Variants in TM9SF3 observed in about 807,000 individuals in gnomAD.
The protein encoded by TM9SF3 is transmembrane 9 superfamily member 3, also known as SM-11044-binding protein.
Under a neutral mutation model 78.6 loss-of-function variants are expected in TM9SF3, and 14 were observed. The ratio of observed to expected loss-of-function variants is 0.18; its 90% CI spans 0.12 to 0.28. The LOEUF (loss-of-function observed/expected upper bound fraction) is 0.28. Ranked by LOEUF, TM9SF3 falls within the 10% of genes least tolerant of loss-of-function variation. The pLI, the probability that TM9SF3 is intolerant of heterozygous loss-of-function variation, is 1.00. For missense variants in TM9SF3, 496 were observed against 721.9 expected (o/e 0.69, Z 3.59); for synonymous variants, 231 against 241.7 (o/e 0.96, Z 0.41).
chr10:96,542,356 G>T (rs1009145669), intron 9 of TM9SF3, among the ~76,000 whole-genome samples: 2 of 152,158 alleles, frequency 1.3e-5, no homozygotes, highest in African/African-American at 2.4e-5. Context: ...AGTACCAACA[G>T]TTAGTCTTTT....
At chr10:96,531,977 G>T (rs373074355) in intron 10 of TM9SF3, among the ~76,000 whole-genome samples, 2 of 152,238 alleles carry the variant, frequency 1.3e-5, no homozygotes, top group Admixed American at 1.3e-4. Context: ...TTGGGAGACC[G>T]AGGTGGGCAG....
In TM9SF3 at chr10:96,520,206, T is replaced by C. The variant is rs1847747141; in HGVS notation, c.*2057A>G. The C allele has an allele frequency of 6.6e-6, 1 of 151,918 alleles. No individual in the cohort carries two copies. The highest frequency in any genetic ancestry group is 6.6e-5 in the Admixed American group (1 of 15,258). The allele number at this position is 151,918 out of a possible 1,614,324, so 9.4% of individuals were successfully genotyped here. A position where few individuals can be genotyped will look rare whatever the true frequency, so the allele number is the denominator to read the frequency against. ...TATATAGTTAAAAGGTTACATAATA[T>C]AGGCAACTAAATATTAACTTTTAGT... On this transcript the variant is annotated 3_prime_UTR_variant, in exon 15 of 15. Transcript: ENST00000371142.
At chr10:96,557,884 T>C (rs866038755) in intron 5 of TM9SF3, among the ~76,000 whole-genome samples, 2 of 152,238 alleles carry the variant, frequency 1.3e-5, no homozygotes, top group South Asian at 4.1e-4. Context: ...TTGACACACT[T>C]CTCTTTGAAT....
chr10:96,530,684 G>T lies in TM9SF3; in HGVS notation c.1326-76C>A. 3 of 1,307,572 alleles carry T rather than the reference G, an allele frequency of 2.3e-6. No individual in the cohort carries two copies. The African/African-American group carries it at 4.5e-5, about 20-fold the overall frequency. The allele number at this position is 1,307,572 out of a possible 1,614,324, so 81.0% of individuals were successfully genotyped here. On this transcript the variant is annotated intron_variant, in intron 10 of 14. Coordinates refer to ENST00000371142, the MANE Select transcript of TM9SF3 (RefSeq NM_020123.4). ...TATAAACACTGATAACAGAAAGCAG[G>T]TACTTGACACTTAAAAAATCATCTC...
intron 2 of TM9SF3, among the ~76,000 whole-genome samples, chr10:96,576,051 A>G (rs192325429): frequency 1.6e-3 from 243 of 152,368 alleles, no homozygotes; most frequent in African/African-American, 5.5e-3. Flanking sequence ...ATAAATTAAT[A>G]CAACACTGAT....
chr10:96,530,008 A>G (rs1847879024), intron 11 of TM9SF3, among the ~76,000 whole-genome samples: 1 of 152,178 alleles, frequency 6.6e-6, no homozygotes, highest in African/African-American at 2.4e-5. Context: ...TTATTTTGCA[A>G]TGGTGACAAA....
chr10:96,541,710 C>T (rs935306762), intron 9 of TM9SF3, among the ~76,000 whole-genome samples: 1 of 152,174 alleles, frequency 6.6e-6, no homozygotes, highest in African/African-American at 2.4e-5. Flanking sequence ...GAACAGAGAA[C>T]TAGAGTGAAG....
chr10:96,572,024 G>C (rs753791510), intron 2 of TM9SF3, among the ~76,000 whole-genome samples: 1 of 152,172 alleles, frequency 6.6e-6, no homozygotes, highest in Non-Finnish European at 1.5e-5. Flanking sequence ...TGTCTTAACA[G>C]CTAAGGGTGC....
chr10:96,562,946 G>A (rs761529937), intron 3 of TM9SF3, among the ~76,000 whole-genome samples: 1 of 152,112 alleles, frequency 6.6e-6, no homozygotes. Flanking sequence ...GCTTTAGTAA[G>A]TATTAGGGAA....
intron 5 of TM9SF3, among the ~76,000 whole-genome samples, chr10:96,553,526 A>C (rs1848199743): frequency 6.6e-6 from 1 of 152,134 alleles, no homozygotes; most frequent in Non-Finnish European, 1.5e-5. Context: ...ATACTCAGTA[A>C]ATGTTAGTTC....
At position 96,551,270 on chromosome 10, in the gene TM9SF3, C is replaced by T; in HGVS notation, c.934G>A (p.Ala312Thr). ...FAVSLIVIIVAMIEDLYTERG... is the reference protein window; with the variant it reads ...FAVSLIVIIVTMIEDLYTERG... ...TCAGTATATAAATCTTCTATCATTG[C>T]AACAATAATAACGATGAGAGACACA... Residue 312 changes from alanine to threonine, a missense_variant, in exon 7 of 15, where the codon GCA becomes ACA. Around this residue, in one of 4 missense-constraint regions of TM9SF3, gnomAD observed 280 missense variants for 422.6 expected, o/e 0.66. Coordinates refer to ENST00000371142, the MANE Select transcript of TM9SF3 (RefSeq NM_020123.4). 6.2e-7 allele frequency: 1 copy of T among 1,611,742 alleles called. No homozygotes were observed. The highest frequency in any genetic ancestry group is 8.5e-7 in the Non-Finnish European group (1 of 1,179,302).
Position 96,586,935 on chromosome 10 carries a change from G to A in TM9SF3, c.-100C>T, listed in dbSNP as rs1848641847. On this transcript the variant is annotated 5_prime_UTR_variant, in exon 1 of 15. Transcript: ENST00000371142. ...TCCGCCGCGGCCGATTCGCATCCAC[G>A]GGGCGCGGACAGACGCACGGGGCCC... The A allele has an allele frequency of 2.0e-6, 2 of 994,612 alleles. No individual in the cohort carries two copies. The highest frequency in any genetic ancestry group is 2.5e-6 in the Non-Finnish European group (2 of 799,600). 61.6% of individuals were successfully genotyped at this position (994,612 alleles called of 1,614,324 possible). A position where few individuals can be genotyped will look rare whatever the true frequency, so the allele number is the denominator to read the frequency against.
rs930207995 is a variant in TM9SF3, at chr10:96,519,540, G to A, written c.*2723C>T. The A allele has an allele frequency of 6.6e-6, 1 of 151,890 alleles. No individual in the cohort carries two copies. Among genetic ancestry groups the A allele is most frequent in the Admixed American group, 6.6e-5 (1 of 15,258 alleles). The allele number at this position is 151,890 out of a possible 1,614,324, so 9.4% of individuals were successfully genotyped here. On this transcript the variant is annotated 3_prime_UTR_variant, in exon 15 of 15. Coordinates refer to ENST00000371142, the MANE Select transcript of TM9SF3 (RefSeq NM_020123.4). The stretch of plus-strand genomic sequence containing the variant: ...AACTACTAATGTAGTTAAATTTCAG[G>A]AGAAGCATGCTTAAAGATACACAAG...
intron 14 of TM9SF3, among the ~76,000 whole-genome samples, chr10:96,526,918 C>G (rs1055876816): frequency 1.3e-5 from 2 of 152,022 alleles, no homozygotes; most frequent in African/African-American, 4.8e-5. Context: ...AGTTAAGAAG[C>G]TGAGTCTCTA....
chr10:96,525,018 T>C (rs1847821874), intron 14 of TM9SF3, among the ~76,000 whole-genome samples: 1 of 152,014 alleles, frequency 6.6e-6, no homozygotes, highest in African/African-American at 2.4e-5. Flanking sequence ...TTTAGCTAGA[T>C]TCATTCCATT....
intron 8 of TM9SF3, among the ~76,000 whole-genome samples, chr10:96,547,106 AAAGTGCTCTTAGC>A (rs1848110556): frequency 1.3e-5 from 2 of 152,234 alleles, no homozygotes; most frequent in Admixed American, 1.3e-4. Context: ...TATTTAAGAC[AAAGTGCTCTTAGC>A]AAGAGACTGT....
intron 9 of TM9SF3, among the ~76,000 whole-genome samples, chr10:96,538,258 C>T (rs1170178516): frequency 6.6e-6 from 1 of 152,080 alleles, no homozygotes; most frequent in African/African-American, 2.4e-5. Flanking sequence ...AACAAAGGTG[C>T]TAAGGCAACT....
rs778623686 is a variant in TM9SF3, at chr10:96,533,188, C to A, written c.1188G>T (p.Val396=). 1.2e-6 allele frequency: 2 copies of A among 1,612,870 alleles called. No individual in the cohort carries two copies. The highest frequency in any genetic ancestry group is 2.2e-5 in the South Asian group (2 of 90,942). ...ASRAIPFGTM[V]AVCCICFFVI... Reference sequence around the variant, plus strand: ...CAAAAAAACAGATGCAACAAACGGCCACCTGTAAATTAAATAAAAATGTGT... The same window carrying A: ...CAAAAAAACAGATGCAACAAACGGCAACCTGTAAATTAAATAAAAATGTGT... Residue 396 remains valine (V), a splice_region_variant and synonymous_variant, in exon 10 of 15, where the codon GTG becomes GTT. Coordinates refer to ENST00000371142, the MANE Select transcript of TM9SF3 (RefSeq NM_020123.4).
In TM9SF3 at chr10:96,520,752, T is replaced by C; in HGVS notation, c.*1511A>G. ...TTTACCCCATCCCCACTTTACACGG[T>C]ACACCAACCTGAACAGATTTTGTGC... On this transcript the variant is annotated 3_prime_UTR_variant, in exon 15 of 15. Transcript: ENST00000371142. The C allele has an allele frequency of 2.5e-6, 1 of 393,864 alleles. No homozygotes were observed. The highest frequency in any genetic ancestry group is 4.5e-6 in the Non-Finnish European group (1 of 222,530). The allele number at this position is 393,864 out of a possible 1,614,324, so 24.4% of individuals were successfully genotyped here.
Sources: allele counts gnomAD v4.1 joint callset (sites outside exome capture counted in the v4.1 genomes callset), GRCh38; gene constraint gnomAD v4.1.1; regional missense constraint gnomAD v4.1.1; transcripts MANE v1.5; gene names NCBI Gene and HGNC (gene_info 2026-07-23, HGNC 2026-07-21).